GRIK4: variants seen among roughly 807,000 people sequenced by gnomAD.
GRIK4 encodes glutamate receptor ionotropic, kainate 4.
In GRIK4, 40 loss-of-function variants were observed where a neutral mutation model predicts 104.9. The ratio of observed to expected loss-of-function variants is 0.38; its 90% CI spans 0.30 to 0.50. The LOEUF is 0.50. Among genes scored for constraint, GRIK4 ranks in the 20% least tolerant of loss-of-function variants. GRIK4 has a pLI of 0.93. For synonymous variants in GRIK4, 485 were observed against 524.9 expected (o/e 0.92, Z 1.04); for missense variants, 1,047 against 1,308.1 (o/e 0.80, Z 3.08).
intron 19 of GRIK4, among the ~76,000 whole-genome samples, chr11:120,973,912 C>CT (rs1248038046): frequency 7.8e-5 from 5 of 64,312 alleles, no homozygotes; most frequent in Non-Finnish European, 1.6e-4. Context: ...TCCCTTAAAT[C>CT]ATTTTTTTTT....
chr11:120,873,864 C>T (rs1954682158), intron 9 of GRIK4: 1 of 530,640 alleles, frequency 1.9e-6, no homozygotes, highest in African/African-American at 1.9e-5. Flanking sequence ...CATTGTGTGT[C>T]TTGGGTGAAC....
chr11:120,855,312 A>G (rs951905909), intron 8 of GRIK4, among the ~76,000 whole-genome samples: 5 of 152,184 alleles, frequency 3.3e-5, no homozygotes, highest in Non-Finnish European at 7.3e-5. Flanking sequence ...GCACCCTGGT[A>G]CTTGCTGTGA....
intron 1 of GRIK4, among the ~76,000 whole-genome samples, chr11:120,634,003 A>G (rs1432079732): frequency 6.6e-6 from 1 of 152,222 alleles, no homozygotes; most frequent in Non-Finnish European, 1.5e-5. Flanking sequence ...GAGGTGGCCA[A>G]ACGTAGGTTC....
intron 8 of GRIK4, among the ~76,000 whole-genome samples, chr11:120,846,984 C>G (rs1368855845): frequency 6.6e-6 from 1 of 152,190 alleles, no homozygotes; most frequent in Non-Finnish European, 1.5e-5. Context: ...GTCTTGATCT[C>G]TCACCACCCC....
intron 19 of GRIK4, among the ~76,000 whole-genome samples, chr11:120,969,527 T>C (rs1944439661): frequency 6.6e-6 from 1 of 152,032 alleles, no homozygotes; most frequent in South Asian, 2.1e-4. Context: ...GGGTTTGTAC[T>C]AGGGAAGGTG....
intron 18 of GRIK4, among the ~76,000 whole-genome samples, chr11:120,965,772 G>A (rs1565467326): frequency 6.6e-6 from 1 of 152,222 alleles, no homozygotes; most frequent in Non-Finnish European, 1.5e-5. Flanking sequence ...AATGCAGACT[G>A]TCAGGCCCCA....
chr11:120,964,499 C>T (rs1410807845), intron 18 of GRIK4, among the ~76,000 whole-genome samples: 1 of 152,028 alleles, frequency 6.6e-6, no homozygotes, highest in Non-Finnish European at 1.5e-5. Context: ...TTATGGACAC[C>T]TTTGAGAGAT....
chr11:120,671,995 G>A (rs2135267850), intron 3 of GRIK4, among the ~76,000 whole-genome samples: 1 of 152,212 alleles, frequency 6.6e-6, no homozygotes, highest in South Asian at 2.1e-4. Context: ...TATCTGTTTT[G>A]GCACCAGTAC....
chr11:120,857,192 C>G (rs1470918742), intron 8 of GRIK4, among the ~76,000 whole-genome samples: 1 of 152,218 alleles, frequency 6.6e-6, no homozygotes, highest in Non-Finnish European at 1.5e-5. Flanking sequence ...CAACTCAGCC[C>G]CCACTCAGAG....
At chr11:120,676,792 T>C (rs1950105453) in intron 3 of GRIK4, among the ~76,000 whole-genome samples, 1 of 152,218 alleles carries the variant, frequency 6.6e-6, no homozygotes, top group African/African-American at 2.4e-5. Flanking sequence ...AAACAAACCA[T>C]GTCCAAACCA....
intron 3 of GRIK4, among the ~76,000 whole-genome samples, chr11:120,718,739 G>A (rs529045115): frequency 1.3e-5 from 2 of 152,366 alleles, no homozygotes; most frequent in South Asian, 4.1e-4. Context: ...GGGCCAGCCT[G>A]GCCGCTGTTG....
At chr11:120,934,086 T>C (rs1943540153) in intron 13 of GRIK4, among the ~76,000 whole-genome samples, 1 of 151,424 alleles carries the variant, frequency 6.6e-6, no homozygotes, top group Non-Finnish European at 1.5e-5. Flanking sequence ...GCGCCTGTAG[T>C]CCCAGCTACT....
chr11:120,964,321 A>G (rs1368730991), intron 18 of GRIK4, among the ~76,000 whole-genome samples: 4 of 152,140 alleles, frequency 2.6e-5, no homozygotes, highest in South Asian at 4.1e-4. Context: ...TCTGATCAGA[A>G]ACAAAGAAAA....
chr11:120,688,003 A>C (rs1242898253), intron 3 of GRIK4, among the ~76,000 whole-genome samples: 2 of 152,196 alleles, frequency 1.3e-5, no homozygotes, highest in African/African-American at 4.8e-5. Context: ...AGGACCCTCA[A>C]GTCCTTAATT....
intron 4 of GRIK4, among the ~76,000 whole-genome samples, chr11:120,808,544 C>T (rs1952763033): frequency 1.3e-5 from 2 of 152,294 alleles, no homozygotes; most frequent in Non-Finnish European, 2.9e-5. Context: ...GTCTTGAGTT[C>T]TTGGACACCA....
chr11:120,857,382 C>T (rs1039909940), intron 8 of GRIK4, among the ~76,000 whole-genome samples: 1 of 152,184 alleles, frequency 6.6e-6, no homozygotes, highest in African/African-American at 2.4e-5. Context: ...AGCATTCCTT[C>T]ATCTCAGGGT....
intron 1 of GRIK4, among the ~76,000 whole-genome samples, chr11:120,516,108 C>A (rs1202853816): frequency 1.3e-5 from 2 of 152,206 alleles, no homozygotes; most frequent in African/African-American, 4.8e-5. Flanking sequence ...CTTTAAACAA[C>A]TGAGCACTCA....
At chr11:120,980,671 C>T (rs1291640014) in intron 19 of GRIK4, among the ~76,000 whole-genome samples, 1 of 152,134 alleles carries the variant, frequency 6.6e-6, no homozygotes, top group Non-Finnish European at 1.5e-5. Context: ...TAAATGATCC[C>T]CTATTTTTGA....
Position 120,905,324 on chromosome 11 carries a change from A to T in GRIK4, c.1307A>T (p.Gln436Leu), listed in dbSNP as rs1942843274. The T allele has an allele frequency of 6.2e-7, 1 of 1,613,788 alleles. No homozygotes were observed. The highest frequency in any genetic ancestry group is 1.3e-5 in the African/African-American group (1 of 74,944). The stretch of plus-strand genomic sequence containing the variant: ...TATTTAATGCTGAAGGGGAACCACC[A>T]GGAGATGGAAGGCAATGACCGCTAC... ...NPYLMLKGNHQEMEGNDRYEG... is the reference protein window; with the variant it reads ...NPYLMLKGNHLEMEGNDRYEG... Residue 436 changes from glutamine to leucine, a missense_variant, in exon 13 of 21, where the codon CAG becomes CTG. Physicochemically the swap from Gln to Leu is moderately radical, Grantham distance 113. Coordinates refer to ENST00000527524, the MANE Select transcript of GRIK4 (RefSeq NM_014619.5). This position sits in a 1 kb window ranked among gnomAD's most constrained non-coding sequence, Gnocchi z 5.1.
Sources: gnomAD v4.1 joint callset for allele counts (sites outside exome capture counted in the v4.1 genomes callset) on GRCh38, gnomAD v4.1.1 for gene constraint, Gnocchi (gnomAD v3.1) non-coding constraint, MANE v1.5 for transcripts, NCBI Gene and HGNC (gene_info 2026-07-23, HGNC 2026-07-21) for gene names.